DYSF: variants seen among roughly 807,000 people sequenced by gnomAD.
DYSF encodes dystrophy-associated fer-1-like 1.
A neutral mutation model predicts 274.9 loss-of-function variants in DYSF; 212 were observed. That is an observed-to-expected ratio of 0.77 (90% CI 0.69 to 0.86). DYSF has a LOEUF of 0.86. Among genes scored for constraint, DYSF ranks in the 40% least tolerant of loss-of-function variants. DYSF has a pLI of 0.00. For missense variants in DYSF, 2,666 were observed against 2,783.2 expected (o/e 0.96, Z 0.95); for synonymous variants, 1,091 against 1,078.7 (o/e 1.01, Z -0.22).
chr2:71,643,957 C>A lies in DYSF; in HGVS notation c.4528-8C>A, dbSNP rs776766700. On this transcript the variant is annotated splice_polypyrimidine_tract_variant and splice_region_variant and intron_variant, in intron 41 of 55. Transcript: ENST00000410020. The stretch of plus-strand genomic sequence containing the variant: ...TCTGAAATGGTCTCTTTCTTTCTAC[C>A]CACTCAGGAGGAAGAGTTCATCGAT... 1 of 1,602,382 alleles carries A rather than the reference C, an allele frequency of 6.2e-7. No homozygotes were observed. The highest frequency in any genetic ancestry group is 8.5e-7 in the Non-Finnish European group (1 of 1,172,596).
intron 33 of DYSF, among the ~76,000 whole-genome samples, chr2:71,600,169 G>A (rs1462929530): frequency 1.3e-5 from 2 of 152,346 alleles, no homozygotes; most frequent in South Asian, 2.1e-4. Flanking sequence ...TCTTCTGGGC[G>A]GCAGGGAGTT....
chr2:71,529,916 A>G (rs1240854494), intron 14 of DYSF, among the ~76,000 whole-genome samples: 2 of 152,198 alleles, frequency 1.3e-5, no homozygotes, highest in African/African-American at 4.8e-5. Context: ...CTAATGTTAA[A>G]TCAGTCATTA....
intron 1 of DYSF, among the ~76,000 whole-genome samples, chr2:71,467,996 G>A (rs142614903): frequency 9.9e-5 from 15 of 152,216 alleles, no homozygotes; most frequent in African/African-American, 3.4e-4. Context: ...GGCAAAGGGA[G>A]ATTTATGTGT....
Position 71,564,126 on chromosome 2 carries a change from G to A in DYSF, c.2478G>A (p.Arg826=), listed in dbSNP as rs1281521983. ...LQGDKRVAYQ[R]VPAHQVLFSR... is the part of the protein sequence containing the mutation. ...GAGACAAGCGTGTGGCATACCAGCGGGTGCCCGCCCACCAAGTCCTCTTCT... is the reference window on the plus strand; with the variant it reads ...GAGACAAGCGTGTGGCATACCAGCGAGTGCCCGCCCACCAAGTCCTCTTCT... Residue 826 remains arginine (R), a synonymous_variant, in exon 24 of 56, where the codon CGG becomes CGA. Transcript: ENST00000410020. The A allele has an allele frequency of 6.2e-7, 1 of 1,614,270 alleles. No individual in the cohort carries two copies. Among genetic ancestry groups the A allele is most frequent in the Non-Finnish European group, 8.5e-7 (1 of 1,180,040 alleles).
intron 7 of DYSF, among the ~76,000 whole-genome samples, chr2:71,514,989 G>A (rs755442310): frequency 2.0e-5 from 3 of 151,384 alleles, no homozygotes; most frequent in Non-Finnish European, 4.4e-5. Context: ...AAAACAGTTG[G>A]TCAGTAAATA....
intron 33 of DYSF, among the ~76,000 whole-genome samples, chr2:71,600,499 T>G (rs920226646): frequency 6.6e-6 from 1 of 152,210 alleles, no homozygotes; most frequent in Non-Finnish European, 1.5e-5. Flanking sequence ...TCAAACCTAG[T>G]GACAGTCACC....
chr2:71,521,672 A>G (rs555097370), intron 12 of DYSF, among the ~76,000 whole-genome samples: 2 of 152,206 alleles, frequency 1.3e-5, no homozygotes, highest in African/African-American at 4.8e-5. Flanking sequence ...GTCTCCTGCC[A>G]TGCCTCGTGT....
At position 71,501,061 on chromosome 2, in the gene DYSF, C is replaced by T. The variant is rs115778346; in HGVS notation, c.240-2153C>T. Among the ~76,000 whole-genome samples the T allele has an allele frequency of 8.8e-3, 1,332 of 152,202 alleles. 25 individuals carry two copies. The highest frequency in any genetic ancestry group is 0.031 in the African/African-American group (1,274 of 41,514). ...TGACGGGTGCCTTCTGGCACCAGCC[C>T]CTAGGATGGAGACACTCCAGGAGCC... On this transcript the variant is annotated intron_variant, in intron 3 of 55. Coordinates refer to ENST00000410020, the MANE Select transcript of DYSF (RefSeq NM_001130987.2).
intron 24 of DYSF, among the ~76,000 whole-genome samples, 184 bp downstream of exon 24, chr2:71,564,397 C>T (rs1366179362): frequency 2.0e-5 from 3 of 152,200 alleles, no homozygotes; most frequent in Non-Finnish European, 4.4e-5. Context: ...AGTCCCCAGG[C>T]CCCTGCACCT....
At chr2:71,531,564 C>A (rs2088706902) in intron 14 of DYSF, among the ~76,000 whole-genome samples, 1 of 151,604 alleles carries the variant, frequency 6.6e-6, no homozygotes, top group Non-Finnish European at 1.5e-5. Flanking sequence ...GGCAGAGAGT[C>A]TCAAAACATG....
intron 3 of DYSF, 48 bp downstream of exon 3, chr2:71,482,018 G>A (rs776241338): frequency 6.6e-7 from 1 of 1,506,690 alleles, no homozygotes; most frequent in South Asian, 1.1e-5. Flanking sequence ...GTGCAGGTAG[G>A]ATTGTGGAGT....
Position 71,511,818 on chromosome 2 carries a change from C to G in DYSF, c.357C>G (p.Val119=), listed in dbSNP as rs2086125469. Residue 119 remains valine (V), a synonymous_variant, in exon 5 of 56, where the codon GTC becomes GTG. Coordinates refer to ENST00000410020, the MANE Select transcript of DYSF (RefSeq NM_001130987.2). ...TKKQPTGASL[V]LQVSYTPLPG... ...CTCATCTCTTCCAGGCCTCGCTGGT[C>G]CTGCAGGTGTCCTACACACCGCTGC... is the stretch of plus-strand genomic sequence containing the variant. 6.4e-7 allele frequency: 1 copy of G among 1,550,938 alleles called. No homozygotes were observed. Among genetic ancestry groups the G allele is most frequent in the East Asian group, 2.4e-5 (1 of 40,934 alleles).
intron 32 of DYSF, among the ~76,000 whole-genome samples, chr2:71,594,122 C>T (rs2093345286): frequency 6.6e-6 from 1 of 152,194 alleles, no homozygotes; most frequent in African/African-American, 2.4e-5. Flanking sequence ...GAGCTGCCCA[C>T]AGCTGGGGCC....
At chr2:71,579,067 G>A (rs1018341794) in intron 30 of DYSF, among the ~76,000 whole-genome samples, 3 of 152,124 alleles carry the variant, frequency 2.0e-5, no homozygotes, top group African/African-American at 7.2e-5. Context: ...CTATTATAGC[G>A]CGTTCCATCC....
chr2:71,556,286 C>G (rs964352966), intron 22 of DYSF, among the ~76,000 whole-genome samples: 1 of 152,252 alleles, frequency 6.6e-6, no homozygotes, highest in Non-Finnish European at 1.5e-5. Flanking sequence ...GCAGCAGCGG[C>G]AGCTGCGGGC....
chr2:71,555,876 AG>A lies in DYSF; in HGVS notation c.2110-88del, dbSNP rs887325867. On this transcript the variant is annotated intron_variant, in intron 21 of 55. Coordinates refer to ENST00000410020, the MANE Select transcript of DYSF (RefSeq NM_001130987.2). ...CTAACTGTTCACTCCTTTTTGGTTCAGTAGCAGTGACAAGGCCTGGGGGTTG... is the reference window on the plus strand; with the variant it reads ...CTAACTGTTCACTCCTTTTTGGTTCATAGCAGTGACAAGGCCTGGGGGTTG... The A allele has an allele frequency of 3.9e-6, 4 of 1,021,496 alleles. No individual in the cohort carries two copies. In the African/African-American group the frequency reaches 6.4e-5, roughly 16 times the overall value. The allele number at this position is 1,021,496 out of a possible 1,614,324, so 63.3% of individuals were successfully genotyped here.
At chr2:71,524,398 G>A (rs2087630159) in intron 12 of DYSF, among the ~76,000 whole-genome samples, 1 of 152,198 alleles carries the variant, frequency 6.6e-6, no homozygotes, top group Non-Finnish European at 1.5e-5. Flanking sequence ...TTGTCTAGGG[G>A]AATAGACATT....
chr2:71,644,101 T>TGC lies in DYSF; in HGVS notation c.4626+40_4626+41dup, dbSNP rs113341963. On this transcript the variant is annotated intron_variant, in intron 42 of 55. Transcript: ENST00000410020. ...TTCAGTCTGACAGTCGGTGTGTGTG[T>TGC]GCGTACTGGGCAGTGGGAGACACAA... 2.7e-4 allele frequency: 423 copies of TGC among 1,541,160 alleles called. 2 individuals are homozygous for TGC. In the African/African-American group the frequency reaches 4.5e-3, roughly 16 times the overall value.
chr2:71,504,361 T>G (rs1015289323), intron 4 of DYSF, among the ~76,000 whole-genome samples: 2 of 152,156 alleles, frequency 1.3e-5, no homozygotes, highest in Non-Finnish European at 2.9e-5. Context: ...GCTCCCTTGA[T>G]GGAAGATGTC....
Sources: allele counts gnomAD v4.1 joint callset (sites outside exome capture counted in the v4.1 genomes callset), GRCh38; gene constraint gnomAD v4.1.1; transcripts MANE v1.5; gene names NCBI Gene and HGNC (gene_info 2026-07-23, HGNC 2026-07-21).